Variants in POLRMT observed in about 807,000 individuals in gnomAD.
POLRMT encodes the protein DNA-directed RNA polymerase, mitochondrial.
Under a neutral mutation model 132.2 loss-of-function variants are expected in POLRMT, and 114 were observed. That is an observed-to-expected ratio of 0.86 (90% CI 0.74 to 1.01). The LOEUF (loss-of-function observed/expected upper bound fraction) is 1.01, where lower values mean the gene tolerates loss of function less well. Among genes scored for constraint, POLRMT ranks in the 50% least tolerant of loss-of-function variants. The probability of loss-of-function intolerance (pLI) is 0.00; values close to 1 mark genes in which losing one functional copy is unlikely to be tolerated. For synonymous variants in POLRMT, 1,020 were observed against 773.4 expected, an observed-to-expected ratio of 1.32 and a Z score of -5.29; for missense variants, 2,003 against 1,729.1, an observed-to-expected ratio of 1.16 and a Z score of -2.81.
intron 1 of POLRMT, 41 bp from the exon 2 acceptor site, chr19:632,979 T>A (rs373602597): frequency 1.4e-5 from 19 of 1,387,900 alleles, no homozygotes; most frequent in Non-Finnish European, 1.7e-5. Context: ...GCCGGGCGTG[T>A]GGGCGGGGGC....
At chr19:633,273 G>C (rs910756454) in intron 1 of POLRMT, 152 bp downstream of exon 1, 2 of 990,960 alleles carry the variant, frequency 2.0e-6, no homozygotes, top group Non-Finnish European at 2.8e-6. Context: ...GTCGAAAAGC[G>C]GGCAAGGGCG....
At chr19:630,739 C>T (rs147846610) in intron 2 of POLRMT, among the ~76,000 whole-genome samples, 1 of 152,210 alleles carries the variant, frequency 6.6e-6, no homozygotes, top group African/African-American at 2.4e-5. Context: ...AGTGTCTACA[C>T]CGGTGGACGC....
At chr19:622,010 C>T in intron 9 of POLRMT, 139 bp downstream of exon 9, 1 of 1,135,900 alleles carries the variant, frequency 8.8e-7, no homozygotes, top group Non-Finnish European at 1.2e-6. Context: ...CCTGCATGGA[C>T]ACCCATGGTG....
At chr19:620,966 G>GGGGCGCGGGGGCGCCGGCGGA (rs1984512866) in intron 10 of POLRMT, 92 bp downstream of exon 10, 2 of 572,624 alleles carry the variant, frequency 3.5e-6, no homozygotes, top group African/African-American at 7.2e-5. Context: ...AGACGGGCAG[G>GGGGCGCGGGGGCGCCGGCGGA]GGGCGCGGGG....
rs753459825 is a variant in POLRMT, at chr19:632,822, G to A, written c.193+12C>T. On this transcript the variant is annotated intron_variant, in intron 2 of 20. Transcript: ENST00000588649. ...CTCTCCTCTCCCGGGCCGCCGTGGG[G>A]GTCGCGCTCACCCTCCAGCAGCTCC... 2.0e-6 allele frequency: 3 copies of A among 1,531,052 alleles called. No individual in the cohort carries two copies. The highest frequency in any genetic ancestry group is 1.8e-6 in the Non-Finnish European group (2 of 1,140,868). 94.8% of individuals were successfully genotyped at this position (1,531,052 alleles called of 1,614,324 possible).
At chr19:617,534 G>T (rs1378228922) in intron 19 of POLRMT, 36 bp downstream of exon 19, 1 of 1,609,016 alleles carries the variant, frequency 6.2e-7, no homozygotes, top group Non-Finnish European at 8.5e-7. Flanking sequence ...GGGGTGGGGG[G>T]GGAATCCAGG....
At chr19:630,234 G>A in intron 2 of POLRMT, 66 bp from the exon 3 acceptor site, 4 of 1,509,356 alleles carry the variant, frequency 2.7e-6, no homozygotes, top group Non-Finnish European at 3.5e-6. Context: ...CGTCTCTCTG[G>A]ACCCTGAGCC....
chr19:632,899 G>T lies in POLRMT; in HGVS notation c.128C>A (p.Ser43Tyr). ...GGVCGPRRSS[S>Y]ASPQEQDQDR... is the part of the protein sequence containing the mutation. ...TTGGTCTTGCTCCTGGGGGCTGGCG[G>T]ACGAGCTCCTCCTGGGGCCGCAGAC... The change falls in exon 2 of 21, where the codon TCC (serine) becomes TAC (tyrosine). Residue 43 changes from serine to tyrosine, a missense_variant. By Grantham distance (144) the Ser-to-Tyr change is moderately radical. Coordinates refer to ENST00000588649, the MANE Select transcript of POLRMT (RefSeq NM_005035.4). 1 of 1,541,486 alleles carries T rather than the reference G, an allele frequency of 6.5e-7. No homozygotes were observed.
rs187957453 is a variant in POLRMT, at chr19:631,695, T to C, written c.193+1139A>G. Among the ~76,000 whole-genome samples the C allele has an allele frequency of 9.8e-4, 150 of 152,298 alleles. 1 individual carries two copies. The highest frequency in any genetic ancestry group is 3.4e-3 in the Middle Eastern group (1 of 294). ...AGCGTGATGTCCGCCTTCAGAGTGCTCCAAAACTCAGGAGATACTTTTAGG... is the reference window on the plus strand; with the variant it reads ...AGCGTGATGTCCGCCTTCAGAGTGCCCCAAAACTCAGGAGATACTTTTAGG... On this transcript the variant is annotated intron_variant, in intron 2 of 20. Coordinates refer to ENST00000588649, the MANE Select transcript of POLRMT (RefSeq NM_005035.4).
In POLRMT at chr19:621,236, G is replaced by C; in HGVS notation, c.2462C>G (p.Ala821Gly). Residue 821 changes from alanine (A) to glycine (G), a missense_variant, in exon 10 of 21, where the codon GCG becomes GGG. Coordinates refer to ENST00000588649, the MANE Select transcript of POLRMT (RefSeq NM_005035.4). ...PHFNHLGSDV[A>G]RALLEFAQGR... ...CTGGGCGAACTCCAGCAGGGCCCGCGCCACGTCGCTGCCCAGGTGGTTGAA... is the reference window on the plus strand; with the variant it reads ...CTGGGCGAACTCCAGCAGGGCCCGCCCCACGTCGCTGCCCAGGTGGTTGAA... 6.2e-7 allele frequency: 1 copy of C among 1,609,056 alleles called. No individual in the cohort carries two copies. Among genetic ancestry groups the C allele is most frequent in the Non-Finnish European group, 8.5e-7 (1 of 1,177,982 alleles).
intron 5 of POLRMT, among the ~76,000 whole-genome samples, chr19:624,392 G>A (rs192377984): frequency 1.2e-4 from 19 of 152,274 alleles, no homozygotes; most frequent in African/African-American, 4.1e-4. Context: ...CCTTTAAGAG[G>A]GTTTTATGGC....
At chr19:618,393 G>A (rs909340251) in intron 17 of POLRMT, 95 bp downstream of exon 17, 2 of 966,096 alleles carry the variant, frequency 2.1e-6, no homozygotes, top group Non-Finnish European at 3.1e-6. Context: ...CCCAGTCCCT[G>A]CCCCCAGCTA....
In POLRMT at chr19:619,671, A is replaced by C. The variant is rs1600559990; in HGVS notation, c.2981T>G (p.Val994Gly). The change falls in exon 13 of 21, where the codon GTG (valine) becomes GGG (glycine). Residue 994 changes from valine (V) to glycine (G), a missense_variant. Transcript: ENST00000588649. ...FITRKVVKQT[V>G]MTVVYGVTRY... ...CGTGACCCCGTACACCACCGTCATCACCGTCTGCTTCACCACCTTGCGGGT... is the reference window on the plus strand; with the variant it reads ...CGTGACCCCGTACACCACCGTCATCCCCGTCTGCTTCACCACCTTGCGGGT... 1 of 1,610,544 alleles carries C rather than the reference A, an allele frequency of 6.2e-7. No individual in the cohort carries two copies. Among genetic ancestry groups the C allele is most frequent in the East Asian group, 2.2e-5 (1 of 44,878 alleles).
chr19:619,136 C>A (rs574861680), intron 14 of POLRMT, 26 bp from the exon 15 acceptor site: 3 of 1,610,690 alleles, frequency 1.9e-6, no homozygotes, highest in African/African-American at 2.7e-5. Context: ...CGTCTCAGGG[C>A]AGGGGGCTCA....
chr19:618,404 G>C, intron 17 of POLRMT, 84 bp downstream of exon 17: 1 of 1,108,372 alleles, frequency 9.0e-7, no homozygotes, highest in Non-Finnish European at 1.3e-6. Flanking sequence ...CCCCCAGCTA[G>C]ACCCAGCCTT....
intron 13 of POLRMT, 57 bp downstream of exon 13, chr19:619,529 C>G: frequency 3.1e-6 from 5 of 1,599,082 alleles, no homozygotes; most frequent in Admixed American, 1.7e-5. Context: ...GCACACCCGT[C>G]TGAGTTTTAA....
chr19:629,440 C>T, intron 3 of POLRMT, 100 bp downstream of exon 3: 2 of 1,202,588 alleles, frequency 1.7e-6, no homozygotes, highest in Non-Finnish European at 2.2e-6. Flanking sequence ...AAACAAAGGA[C>T]TTGAACCTGG....
intron 2 of POLRMT, 89 bp from the exon 3 acceptor site, chr19:630,257 G>A (rs1055715939): frequency 2.1e-6 from 3 of 1,454,796 alleles, no homozygotes; most frequent in African/African-American, 2.8e-5. Flanking sequence ...GCCAGGAGGT[G>A]CAGGTGGCTG....
intron 17 of POLRMT, 23 bp downstream of exon 17, chr19:618,465 C>A: frequency 6.4e-7 from 1 of 1,558,878 alleles, no homozygotes; most frequent in Non-Finnish European, 8.8e-7. Flanking sequence ...CGAGCGGCAC[C>A]CACGCCGTCC....
Sources: gnomAD v4.1 joint callset for allele counts (sites outside exome capture counted in the v4.1 genomes callset) on GRCh38, gnomAD v4.1.1 for gene constraint, MANE v1.5 for transcripts, NCBI Gene and HGNC (gene_info 2026-07-23, HGNC 2026-07-21) for gene names.